RELN: variants seen among roughly 807,000 people sequenced by gnomAD.
RELN encodes the protein reelin.
Under a neutral mutation model 427.6 loss-of-function variants are expected in RELN, and 108 were observed. That is an observed-to-expected ratio of 0.25 (90% confidence interval 0.22 to 0.30). The LOEUF is 0.30. RELN is among the 10% of genes least tolerant of loss of function. The pLI is 1.00. For missense variants in RELN, 3,715 were observed against 4,302.8 expected (o/e 0.86, Z 3.82); for synonymous variants, 1,524 against 1,513.4 (o/e 1.01, Z -0.16).
At chr7:103,799,943 G>A (rs1263597016) in intron 3 of RELN, among the ~76,000 whole-genome samples, 1 of 151,332 alleles carries the variant, frequency 6.6e-6, no homozygotes, top group Non-Finnish European at 1.5e-5. Flanking sequence ...AATAGATGCA[G>A]AAAAGGGCTT....
chr7:103,846,280 A>G (rs1362292608), intron 2 of RELN, among the ~76,000 whole-genome samples: 1 of 152,176 alleles, frequency 6.6e-6, no homozygotes, highest in Non-Finnish European at 1.5e-5. Context: ...AATGCCACAC[A>G]TCTACAACCA....
intron 7 of RELN, among the ~76,000 whole-genome samples, chr7:103,727,868 A>G (rs1264847943): frequency 3.3e-5 from 5 of 152,186 alleles, no homozygotes; most frequent in Non-Finnish European, 7.3e-5. Flanking sequence ...CCATCTAATC[A>G]TAGTGATGTT....
At chr7:103,531,393 T>C (rs1829937178) in intron 46 of RELN, among the ~76,000 whole-genome samples, 1 of 152,222 alleles carries the variant, frequency 6.6e-6, no homozygotes, top group South Asian at 2.1e-4. Flanking sequence ...ATCTATCTAC[T>C]CCAATTATTT....
chr7:103,861,887 G>A (rs756041217), intron 2 of RELN, among the ~76,000 whole-genome samples: 1 of 152,164 alleles, frequency 6.6e-6, no homozygotes, highest in South Asian at 2.1e-4. Flanking sequence ...TTAAGGCAAT[G>A]TAAGATCAAC....
At chr7:103,497,406 AC>A (rs1222571815) in intron 55 of RELN, among the ~76,000 whole-genome samples, 1 of 151,938 alleles carries the variant, frequency 6.6e-6, no homozygotes, top group Admixed American at 6.5e-5. Flanking sequence ...ACAAAATCAG[AC>A]TTTTTTTTCA....
At chr7:103,939,567 T>G (rs1368210229) in intron 1 of RELN, among the ~76,000 whole-genome samples, 1 of 152,238 alleles carries the variant, frequency 6.6e-6, no homozygotes, top group African/African-American at 2.4e-5. Context: ...CCATTCTTTG[T>G]GTACTTTGCC....
rs142792443 is a variant in RELN at position 103,540,239 on chromosome 7, C to T, written c.6888G>A (p.Pro2296=). 48 of 1,614,034 alleles carry T rather than the reference C, an allele frequency of 3.0e-5. No homozygotes were observed. The highest frequency in any genetic ancestry group is 9.9e-5 in the South Asian group (9 of 91,086). ...SGSTRLRWWQ[P]SENGHFYSPW... is the part of the protein sequence containing the mutation. The stretch of plus-strand genomic sequence containing the variant: ...GGCTGTAGAAGTGCCCATTCTCAGA[C>T]GGTTGCCACCAGCGAAGGCGAGTAG... Residue 2296 remains proline (P), a synonymous_variant, in exon 44 of 65, where the codon CCG becomes CCA. Coordinates refer to ENST00000428762, the MANE Select transcript of RELN (RefSeq NM_005045.4).
intron 1 of RELN, among the ~76,000 whole-genome samples, chr7:103,976,782 C>A (rs1796887601): frequency 6.6e-6 from 1 of 152,192 alleles, no homozygotes. Context: ...CTGGCCTGAG[C>A]ATGGTGGCTC....
chr7:103,872,043 CTT>C lies in RELN; in HGVS notation c.338-38373_338-38372del, dbSNP rs374943426. Among the ~76,000 whole-genome samples, 499 of 119,522 alleles carry C rather than the reference CTT, an allele frequency of 4.2e-3. 2 individuals carry two copies. Among genetic ancestry groups the C allele is most frequent in the East Asian group, 0.022 (86 of 3,954 alleles). The allele number at this position is 119,522 out of a possible 152,430, so 78.4% of individuals were successfully genotyped here. A position where few individuals can be genotyped will look rare whatever the true frequency, so the allele number is the denominator to read the frequency against. On this transcript the variant is annotated intron_variant, in intron 2 of 64. Transcript: ENST00000428762. ...ATATATATATATATTTTTCTTTTTT[CTT>C]TTTTTTCTTTTTTTATTTATTTATT...
chr7:103,797,974 G>A (rs796700807), intron 3 of RELN, among the ~76,000 whole-genome samples: 4 of 152,262 alleles, frequency 2.6e-5, no homozygotes, highest in African/African-American at 7.2e-5. Context: ...AATAAGTCAC[G>A]GATTAAAATA....
At chr7:103,593,506 C>T (rs551220015) in intron 27 of RELN, among the ~76,000 whole-genome samples, 176 bp downstream of exon 27, 2 of 152,302 alleles carry the variant, frequency 1.3e-5, no homozygotes, top group East Asian at 3.9e-4. Flanking sequence ...AAACTAATAA[C>T]TGCTTTCGAG....
rs1831365750 is a variant in RELN, at chr7:103,589,710, C to T, written c.4031G>A (p.Gly1344Asp). The T allele has an allele frequency of 6.2e-7, 1 of 1,613,894 alleles. No individual in the cohort carries two copies. The highest frequency in any genetic ancestry group is 1.3e-5 in the African/African-American group (1 of 75,032). ...TCTGGAGTTTCCTTCGCATCCTTTG[C>T]CTGCAGAAGCCGGGTAACAGCCTTC... ...VKEGCYPASA[G>D]KGCEGNSREL... Residue 1344 changes from glycine to aspartate, a missense_variant, in exon 28 of 65, where the codon GGC becomes GAC. This residue lies in a region of RELN where 2,208 missense variants were observed against 2,361.7 expected (regional missense o/e 0.93). Transcript: ENST00000428762.
intron 2 of RELN, among the ~76,000 whole-genome samples, chr7:103,838,152 T>A (rs1244613291): frequency 4.6e-5 from 6 of 130,028 alleles, no homozygotes; most frequent in African/African-American, 1.5e-4. Flanking sequence ...GAGCTTGCAG[T>A]GAGCCGAGAT....
chr7:103,911,660 A>C (rs2116655301), intron 2 of RELN, among the ~76,000 whole-genome samples: 2 of 149,000 alleles, frequency 1.3e-5, no homozygotes, highest in East Asian at 4.0e-4. Flanking sequence ...TACACCATGG[A>C]ATACTATGCA....
chr7:103,940,699 G>C (rs1796094170), intron 1 of RELN, among the ~76,000 whole-genome samples: 1 of 152,084 alleles, frequency 6.6e-6, no homozygotes, highest in African/African-American at 2.4e-5. Context: ...AAACCTGAAA[G>C]GAACCAAATT....
chr7:103,929,602 C>T (rs146837402), intron 1 of RELN, among the ~76,000 whole-genome samples: 6 of 152,258 alleles, frequency 3.9e-5, no homozygotes, highest in Admixed American at 1.3e-4. Flanking sequence ...TAACATTGAA[C>T]TCATGGCCAA....
intron 2 of RELN, among the ~76,000 whole-genome samples, chr7:103,890,708 T>C (rs1794828223): frequency 6.6e-6 from 1 of 152,144 alleles, no homozygotes; most frequent in Admixed American, 6.6e-5. Flanking sequence ...GCCTCCTATA[T>C]AAGCACCAGG....
chr7:103,492,583 C>T (rs1828708570), intron 57 of RELN, among the ~76,000 whole-genome samples: 1 of 152,092 alleles, frequency 6.6e-6, no homozygotes, highest in Non-Finnish European at 1.5e-5. Context: ...TCCTAATCAT[C>T]TATTTAATCA....
At chr7:103,740,199 G>C (rs961665988) in intron 6 of RELN, among the ~76,000 whole-genome samples, 1 of 152,198 alleles carries the variant, frequency 6.6e-6, no homozygotes, top group Non-Finnish European at 1.5e-5. Context: ...AACATGGTAG[G>C]AGGAGGAGAA....
Sources: allele counts gnomAD v4.1 joint callset (sites outside exome capture counted in the v4.1 genomes callset), GRCh38; gene constraint gnomAD v4.1.1; regional missense constraint gnomAD v4.1.1; transcripts MANE v1.5; gene names NCBI Gene and HGNC (gene_info 2026-07-23, HGNC 2026-07-21).